Variants in CC2D1A observed in about 807,000 individuals in gnomAD.
CC2D1A encodes the protein coiled-coil and C2 domain containing 1A.
Under a neutral mutation model 123.8 loss-of-function variants are expected in CC2D1A, and 68 were observed. The ratio of observed to expected loss-of-function variants is 0.55; its 90% CI spans 0.45 to 0.67. The LOEUF is 0.67. Among genes scored for constraint, CC2D1A ranks in the 30% least tolerant of loss-of-function variants. CC2D1A has a pLI of 0.00. For synonymous variants in CC2D1A, 477 were observed against 528.0 expected (o/e 0.90, Z 1.32); for missense variants, 1,185 against 1,290.3 (o/e 0.92, Z 1.25).
chr19:13,910,387 G>A (rs1370972862), intron 2 of CC2D1A, among the ~76,000 whole-genome samples: 3 of 131,390 alleles, frequency 2.3e-5, no homozygotes, highest in Admixed American at 9.2e-5. Context: ...CAGCCTGGGC[G>A]ACAGAGCAAG....
rs750166752 is a variant in CC2D1A, at chr19:13,912,558, C to A, written c.343C>A (p.Gln115Lys). ...GCTAAATGAGGTCCTTGGAGAGGAG[C>A]AGAAGGCTTCAGAGACCCCACCTCC... is the stretch of plus-strand genomic sequence containing the variant. ...AELNEVLGEEQKASETPPPVA... is the reference protein window; with the variant it reads ...AELNEVLGEEKKASETPPPVA... Residue 115 changes from glutamine (Q) to lysine (K), a missense_variant, in exon 4 of 29, where the codon CAG becomes AAG. Transcript: ENST00000318003. 7.2e-5 allele frequency: 117 copies of A among 1,614,000 alleles called. 1 individual carries two copies. The highest frequency in any genetic ancestry group is 6.5e-4 in the South Asian group (59 of 91,088).
chr19:13,924,755 G>A (rs752164740), intron 17 of CC2D1A, among the ~76,000 whole-genome samples: 9 of 152,202 alleles, frequency 5.9e-5, no homozygotes, highest in East Asian at 1.9e-4. Context: ...CACTGCGTCC[G>A]GCCCATTTTC....
chr19:13,925,033 G>T (rs778843940), intron 17 of CC2D1A, among the ~76,000 whole-genome samples: 3 of 152,122 alleles, frequency 2.0e-5, no homozygotes, highest in African/African-American at 7.2e-5. Flanking sequence ...AGGTCTCCAT[G>T]TGGCAGCTCC....
chr19:13,918,576 G>A lies in CC2D1A; in HGVS notation c.946G>A (p.Asp316Asn), dbSNP rs1158465072. ...CCTCTCCTGCCTGCCCCCTCCACCC[G>A]GTGAGAACCCTGCCATGCCCACTCT... ...VDLSCLPPPP[D>N]QLPPDPPSPP... Residue 316 changes from aspartate (D) to asparagine (N), a missense_variant and splice_region_variant, in exon 8 of 29, where the codon GAC becomes AAC. Transcript: ENST00000318003. The A allele has an allele frequency of 1.9e-6, 3 of 1,612,980 alleles. No individual in the cohort carries two copies. Among genetic ancestry groups the A allele is most frequent in the South Asian group, 1.1e-5 (1 of 91,044 alleles).
At chr19:13,925,253 G>T (rs1347458745) in intron 17 of CC2D1A, among the ~76,000 whole-genome samples, 1 of 152,186 alleles carries the variant, frequency 6.6e-6, no homozygotes, top group East Asian at 1.9e-4. Flanking sequence ...AGCAGCTAGG[G>T]TACTGACTGG....
At chr19:13,913,766 C>T (rs1399164010) in intron 6 of CC2D1A, 128 bp downstream of exon 6, 2 of 674,814 alleles carry the variant, frequency 3.0e-6, no homozygotes, top group Non-Finnish European at 4.9e-6. Context: ...CTGGGGTCTT[C>T]AAGCCCCTGG....
At chr19:13,917,855 C>A (rs959646849) in intron 6 of CC2D1A, among the ~76,000 whole-genome samples, 2 of 152,144 alleles carry the variant, frequency 1.3e-5, no homozygotes, top group Non-Finnish European at 2.9e-5. Context: ...CCTGTAATCC[C>A]AGCTACTCAG....
Position 13,929,423 on chromosome 19 carries a change from A to C in CC2D1A, c.2564A>C (p.Gln855Pro), listed in dbSNP as rs1312850121. ...LHSLSVLAFDQERLERKILAL... is the reference protein window; with the variant it reads ...LHSLSVLAFDPERLERKILAL... The stretch of plus-strand genomic sequence containing the variant: ...AGCCTCAGTGTGCTGGCGTTTGACC[A>C]AGAGCGTCTGGAGCGGAAGGTGGGT... Residue 855 changes from glutamine to proline, a missense_variant, in exon 25 of 29, where the codon CAA becomes CCA. Transcript: ENST00000318003. 6.2e-7 allele frequency: 1 copy of C among 1,613,406 alleles called. No individual in the cohort carries two copies. The highest frequency in any genetic ancestry group is 2.2e-5 in the East Asian group (1 of 44,748).
At chr19:13,919,717 C>A in intron 11 of CC2D1A, 101 bp from the exon 12 acceptor site, 1 of 1,280,420 alleles carries the variant, frequency 7.8e-7, no homozygotes, top group African/African-American at 1.5e-5. Context: ...AGTAAAGGCC[C>A]AAGACTCTAT....
rs755081945 is a variant in CC2D1A, at chr19:13,918,551, C to T, written c.921C>T (p.Asp307=). The change falls in exon 8 of 29, where the codon GAC becomes GAT. Residue 307 remains aspartate (D), a synonymous_variant. Coordinates refer to ENST00000318003, the MANE Select transcript of CC2D1A (RefSeq NM_017721.5). ...LEALSRGEPV[D]LSCLPPPPDQ... is the part of the protein sequence containing the mutation. ...CCCTGAGCCGGGGTGAGCCCGTGGA[C>T]CTCTCCTGCCTGCCCCCTCCACCCG... The T allele has an allele frequency of 1.7e-5, 27 of 1,613,682 alleles. No individual in the cohort carries two copies. In the South Asian group the frequency reaches 2.6e-4, roughly 16 times the overall value.
intron 4 of CC2D1A, 91 bp from the exon 5 acceptor site, chr19:13,913,077 A>G: frequency 2.2e-6 from 3 of 1,357,154 alleles, no homozygotes; most frequent in Non-Finnish European, 2.9e-6. Flanking sequence ...TGGTCCAGGG[A>G]TGACATGGGG....
intron 2 of CC2D1A, among the ~76,000 whole-genome samples, chr19:13,911,318 C>T (rs1970987376): frequency 6.6e-6 from 1 of 152,162 alleles, no homozygotes; most frequent in African/African-American, 2.4e-5. Flanking sequence ...GTCTTCAAAG[C>T]AGCTTTATAG....
rs1278969028 is a variant in CC2D1A at position 13,923,298 on chromosome 19, C to T, written c.1642-35C>T. The T allele has an allele frequency of 8.2e-6, 13 of 1,581,646 alleles. No individual in the cohort carries two copies. The East Asian group carries it at 2.9e-4, about 35-fold the overall frequency. Reference sequence around the variant, plus strand: ...AGAGCCCTAGGTGGGCCTGCTTGTCCTCCTTACCCCCGCCACCAGCCTCGT... The same window carrying T: ...AGAGCCCTAGGTGGGCCTGCTTGTCTTCCTTACCCCCGCCACCAGCCTCGT... On this transcript the variant is annotated intron_variant, in intron 14 of 28. Coordinates refer to ENST00000318003, the MANE Select transcript of CC2D1A (RefSeq NM_017721.5). The surrounding 1 kb of genome is among the most constrained non-coding windows in gnomAD (Gnocchi z 5.3).
At chr19:13,912,227 T>A (rs1971023270) in intron 2 of CC2D1A, 96 bp from the exon 3 acceptor site, 2 of 1,340,844 alleles carry the variant, frequency 1.5e-6, no homozygotes, top group Admixed American at 2.6e-5. Context: ...AATGGGGAAG[T>A]CAGCGAGAAG....
intron 6 of CC2D1A, among the ~76,000 whole-genome samples, chr19:13,917,201 G>A (rs1971235690): frequency 6.6e-6 from 1 of 152,178 alleles, no homozygotes; most frequent in African/African-American, 2.4e-5. Flanking sequence ...TGGGCATGGT[G>A]GCACATGCCT....
At chr19:13,925,678 G>C (rs1599402209) in intron 17 of CC2D1A, among the ~76,000 whole-genome samples, 1 of 151,890 alleles carries the variant, frequency 6.6e-6, no homozygotes, top group East Asian at 1.9e-4. Flanking sequence ...AGGCCAGGCT[G>C]GGAGGCCAAG....
intron 6 of CC2D1A, among the ~76,000 whole-genome samples, chr19:13,915,145 A>G (rs57449541): frequency 0.13 from 19,244 of 152,294 alleles, 3,952 homozygotes; most frequent in African/African-American, 0.43. Context: ...TCACAATGGA[A>G]GTTTGGCATA....
chr19:13,919,358 G>T (rs1971328139), intron 11 of CC2D1A, among the ~76,000 whole-genome samples, 156 bp downstream of exon 11: 1 of 152,226 alleles, frequency 6.6e-6, no homozygotes, highest in South Asian at 2.1e-4. Flanking sequence ...ACAGGCTCAG[G>T]GAGCTGAATA....
At position 13,923,570 on chromosome 19, in the gene CC2D1A, A is replaced by C. The variant is rs759122571; in HGVS notation, c.1787A>C (p.Gln596Pro). The change falls in exon 16 of 29, where the codon CAA (glutamine) becomes CCA (proline). Residue 596 changes from glutamine to proline, a missense_variant. Physicochemically the swap from Gln to Pro is moderately conservative, Grantham distance 76 (BLOSUM62 -1). Transcript: ENST00000318003. The surrounding 1 kb of genome is among the most constrained non-coding windows in gnomAD (Gnocchi z 5.3). ...CAGATGTGCCTGAACCACTCAAACC[A>C]ATTCACCCAGCTGGGCAACATCACT... ...QHEMCLNHSN[Q>P]FTQLGNITET... is the part of the protein sequence containing the mutation. 4.8e-5 allele frequency: 77 copies of C among 1,613,346 alleles called. 1 individual carries two copies. Among genetic ancestry groups the C allele is most frequent in the South Asian group, 4.5e-4 (41 of 91,074 alleles).
Sources: allele counts gnomAD v4.1 joint callset (sites outside exome capture counted in the v4.1 genomes callset), GRCh38; gene constraint gnomAD v4.1.1; non-coding constraint Gnocchi (gnomAD v3.1); transcripts MANE v1.5; gene names NCBI Gene and HGNC (gene_info 2026-07-23, HGNC 2026-07-21).